ARMC9: variants seen among roughly 807,000 people sequenced by gnomAD.
The protein encoded by ARMC9 is armadillo repeat containing 9.
A neutral mutation model predicts 107.0 loss-of-function variants in ARMC9; 94 were observed. That is an observed-to-expected ratio of 0.88 (90% CI 0.74 to 1.04). ARMC9 has a LOEUF of 1.04. Among genes scored for constraint, ARMC9 ranks in the 50% least tolerant of loss-of-function variants. The probability of loss-of-function intolerance (pLI) is 0.00; values close to 1 mark genes in which losing one functional copy is unlikely to be tolerated. For synonymous variants in ARMC9, 380 were observed against 396.9 expected, an observed-to-expected ratio of 0.96 and a Z score of 0.51; for missense variants, 942 against 1,030.1, an observed-to-expected ratio of 0.91 and a Z score of 1.17.
intron 21 of ARMC9, among the ~76,000 whole-genome samples, chr2:231,354,809 G>A (rs1015050540): frequency 6.6e-5 from 10 of 152,212 alleles, no homozygotes; most frequent in Admixed American, 5.2e-4. Flanking sequence ...TGTTGAAGGG[G>A]GAGCGAGGGC....
chr2:231,237,959 A>G (rs1200437388), intron 8 of ARMC9, among the ~76,000 whole-genome samples: 1 of 151,712 alleles, frequency 6.6e-6, no homozygotes, highest in African/African-American at 2.4e-5. Context: ...GTTTGATCCA[A>G]AGTCTCAAAA....
chr2:231,280,998 C>T (rs866842902), intron 16 of ARMC9, among the ~76,000 whole-genome samples: 9 of 152,118 alleles, frequency 5.9e-5, no homozygotes, highest in East Asian at 1.9e-4. Context: ...CGGTGGGAAA[C>T]GAGCCCTCCT....
chr2:231,269,504 G>A (rs962804770), intron 12 of ARMC9, among the ~76,000 whole-genome samples: 10 of 145,916 alleles, frequency 6.9e-5, no homozygotes, highest in African/African-American at 2.6e-4. Flanking sequence ...TCCTGCCTCA[G>A]CCTCCCGAGT....
intron 3 of ARMC9, among the ~76,000 whole-genome samples, chr2:231,212,348 C>T (rs535248858): frequency 6.6e-6 from 1 of 152,282 alleles, no homozygotes; most frequent in South Asian, 2.1e-4. Flanking sequence ...GAATGTGATT[C>T]ATGAGTTAGG....
At chr2:231,331,736 G>A (rs1322983822) in intron 19 of ARMC9, 57 bp from the exon 20 acceptor site, 16 of 1,493,334 alleles carry the variant, frequency 1.1e-5, no homozygotes, top group Admixed American at 6.9e-5. Flanking sequence ...GGGGAGCCAC[G>A]CCTTGGGAGC....
At chr2:231,291,316 C>G (rs374983014) in intron 17 of ARMC9, 37 bp from the exon 18 acceptor site, 65 of 1,551,652 alleles carry the variant, frequency 4.2e-5, no homozygotes, top group Non-Finnish European at 5.5e-5. Flanking sequence ...CCTCCAGACA[C>G]TGAAATGTTA....
At chr2:231,265,396 C>T (rs1012896256) in intron 12 of ARMC9, among the ~76,000 whole-genome samples, 3 of 152,144 alleles carry the variant, frequency 2.0e-5, no homozygotes, top group African/African-American at 7.2e-5. Flanking sequence ...ATATATACAA[C>T]ATGAGATACC....
chr2:231,280,302 A>T (rs1265272567), intron 16 of ARMC9, among the ~76,000 whole-genome samples: 2 of 152,126 alleles, frequency 1.3e-5, no homozygotes, highest in Non-Finnish European at 2.9e-5. Flanking sequence ...CACTGAAAAT[A>T]CAAAAATTAG....
rs1400136419 is a variant in ARMC9, at chr2:231,352,396, G to A, written c.1995-3402G>A. Among the ~76,000 whole-genome samples, 4 of 151,514 alleles carry A rather than the reference G, an allele frequency of 2.6e-5. No individual in the cohort carries two copies. In the South Asian group the frequency reaches 6.3e-4, roughly 24 times the overall value. On this transcript the variant is annotated intron_variant, in intron 21 of 24. Transcript: ENST00000611582. ...CAACCTCGGTCTCCTGGGTTCAAGC[G>A]ATTCTCCTTTCTCCTGTCTCAGCCT... is the stretch of plus-strand genomic sequence containing the variant.
chr2:231,355,321 C>CA lies in ARMC9; in HGVS notation c.1995-476dup, dbSNP rs1199524247. 2.0e-5 allele frequency among the ~76,000 whole-genome samples: 3 copies of CA among 152,166 alleles called. No individual in the cohort carries two copies. In the East Asian group the frequency reaches 5.8e-4, roughly 29 times the overall value. On this transcript the variant is annotated intron_variant, in intron 21 of 24. Coordinates refer to ENST00000611582, the MANE Select transcript of ARMC9 (RefSeq NM_001352754.2). ...CACCATGGCACTCCAGCCTGGGCGA[C>CA]AGAGTGAGACCCTGTCTCTAAGAAA...
chr2:231,295,514 T>C (rs933625871), intron 18 of ARMC9: 1 of 152,338 alleles, frequency 6.6e-6, no homozygotes, highest in African/African-American at 2.4e-5. Flanking sequence ...TGGTGTATTG[T>C]GAGGTCCTAC....
At chr2:231,340,606 G>A (rs1233125030) in intron 20 of ARMC9, among the ~76,000 whole-genome samples, 1 of 152,074 alleles carries the variant, frequency 6.6e-6, no homozygotes, top group Non-Finnish European at 1.5e-5. Flanking sequence ...CTAAATTAAG[G>A]CCAGGCTGAG....
intron 9 of ARMC9, among the ~76,000 whole-genome samples, chr2:231,240,451 T>C (rs1451336813): frequency 6.6e-6 from 1 of 152,220 alleles, no homozygotes; most frequent in African/African-American, 2.4e-5. Flanking sequence ...ACAAAGGACA[T>C]TGGTATACCC....
chr2:231,365,450 A>G (rs2045777273), intron 23 of ARMC9, among the ~76,000 whole-genome samples: 1 of 152,146 alleles, frequency 6.6e-6, no homozygotes, highest in Non-Finnish European at 1.5e-5. Flanking sequence ...GCTGCTAAGC[A>G]TCACCCAGCA....
chr2:231,235,201 GTTTGT>G lies in ARMC9; in HGVS notation c.623-19_623-15del, dbSNP rs2035595712. ...CATATTGTGGATTTTTATTGATGTT[GTTTGT>G]TTTAACTGTCTTCCTAGAAATCTTG... On this transcript the variant is annotated intron_variant, in intron 7 of 24. Transcript: ENST00000611582. The G allele has an allele frequency of 1.9e-6, 3 of 1,597,420 alleles. No homozygotes were observed. Among genetic ancestry groups the G allele is most frequent in the African/African-American group, 1.3e-5 (1 of 74,556 alleles).
At chr2:231,339,101 G>A (rs971759262) in intron 20 of ARMC9, among the ~76,000 whole-genome samples, 12 of 152,112 alleles carry the variant, frequency 7.9e-5, no homozygotes, top group Non-Finnish European at 1.0e-4. Flanking sequence ...AGGCCAAGGC[G>A]GGCAGATCAC....
intron 1 of ARMC9, among the ~76,000 whole-genome samples, chr2:231,205,982 C>G (rs976626519): frequency 6.6e-6 from 1 of 152,196 alleles, no homozygotes. Context: ...CTGGGTAATC[C>G]AGGATCATCC....
intron 19 of ARMC9, among the ~76,000 whole-genome samples, chr2:231,309,954 T>C (rs1050393625): frequency 2.6e-5 from 4 of 152,188 alleles, no homozygotes; most frequent in African/African-American, 9.7e-5. Context: ...ATCCATGTTA[T>C]GTAAAATATG....
chr2:231,287,770 G>T (rs767851666), intron 17 of ARMC9, among the ~76,000 whole-genome samples: 1 of 152,236 alleles, frequency 6.6e-6, no homozygotes, highest in East Asian at 1.9e-4. Context: ...CAAAATTAGT[G>T]TAGAAATTTT....
Sources: allele counts gnomAD v4.1 joint callset (sites outside exome capture counted in the v4.1 genomes callset), GRCh38; gene constraint gnomAD v4.1.1; transcripts MANE v1.5; gene names NCBI Gene and HGNC (gene_info 2026-07-23, HGNC 2026-07-21).